Variants in SIPA1L2 observed in about 807,000 individuals in gnomAD.
SIPA1L2 encodes signal-induced proliferation-associated 1-like protein 2.
SIPA1L2 carries 56 observed loss-of-function variants against 163.9 expected under a neutral mutation model. The observed-to-expected ratio is 0.34, with a 90% confidence interval of 0.28 to 0.43. SIPA1L2 has a LOEUF of 0.43. SIPA1L2 is among the 20% of genes least tolerant of loss of function. SIPA1L2 has a pLI of 1.00. For missense variants in SIPA1L2, 1,974 were observed against 2,193.5 expected, an observed-to-expected ratio of 0.90 and a Z score of 2.00; for synonymous variants, 877 against 865.7, an observed-to-expected ratio of 1.01 and a Z score of -0.23.
At chr1:232,404,074 C>A (rs1264670746) in intron 20 of SIPA1L2, 51 bp downstream of exon 20, 1 of 1,601,966 alleles carries the variant, frequency 6.2e-7, no homozygotes. Context: ...ATGAAATATA[C>A]AGAAAAGGTT....
chr1:232,597,446 G>C (rs1238888375), intron 1 of SIPA1L2, among the ~76,000 whole-genome samples: 3 of 151,708 alleles, frequency 2.0e-5, no homozygotes, highest in Non-Finnish European at 4.4e-5. Flanking sequence ...GGGAGGCCAA[G>C]GTGGGCGGAT....
intron 3 of SIPA1L2, among the ~76,000 whole-genome samples, chr1:232,509,834 G>A (rs1666898187): frequency 6.6e-6 from 1 of 152,210 alleles, no homozygotes; most frequent in Admixed American, 6.5e-5. Flanking sequence ...TATAGGAGGA[G>A]GCAGGACACA....
chr1:232,422,389 T>G (rs559017702), intron 18 of SIPA1L2, among the ~76,000 whole-genome samples: 3 of 152,192 alleles, frequency 2.0e-5, no homozygotes, highest in Admixed American at 1.3e-4. Flanking sequence ...TTGAGACAGA[T>G]TCAAATCTGT....
At position 232,404,158 on chromosome 1, in the gene SIPA1L2, GTTC is replaced by G. The variant is rs770412953; in HGVS notation, c.4780_4782del (p.Glu1594del). 6.2e-6 allele frequency: 10 copies of G among 1,613,972 alleles called. No homozygotes were observed. The highest frequency in any genetic ancestry group is 3.3e-4 in the Middle Eastern group (2 of 6,084). Reference sequence around the variant, plus strand: ...GACGTGTGGTGACAGAGCAGCCCCAGTTCTTCATCTGAGTCAAGACCTGAAATA... The same window carrying G: ...GACGTGTGGTGACAGAGCAGCCCCAGTTCATCTGAGTCAAGACCTGAAATA... On this transcript the variant is annotated inframe_deletion, in exon 20 of 23. Transcript: ENST00000674635.
Position 232,425,788 on chromosome 1 carries a change from C to T in SIPA1L2, c.4431G>A (p.Leu1477=). Residue 1477 remains leucine (L), a synonymous_variant, in exon 18 of 23, where the codon CTG becomes CTA. Transcript: ENST00000674635. ...GRRKFSFYGN[L]SPRRSLYRTL... Reference sequence around the variant, plus strand: ...TGCGGTAAAGCGACCTCCTTGGAGACAGGTTCCCATAGAACGAAAACTAGG... The same window carrying T: ...TGCGGTAAAGCGACCTCCTTGGAGATAGGTTCCCATAGAACGAAAACTAGG... 6.2e-7 allele frequency: 1 copy of T among 1,613,856 alleles called. No individual in the cohort carries two copies. The highest frequency in any genetic ancestry group is 8.5e-7 in the Non-Finnish European group (1 of 1,179,908).
rs367795164 is a variant in SIPA1L2 at position 232,445,437 on chromosome 1, A to T, written c.3353+92T>A. 2.1e-5 allele frequency: 33 copies of T among 1,565,406 alleles called. No homozygotes were observed. The African/African-American group carries it at 4.1e-4, about 19-fold the overall frequency. ...CAACTTGCTGTGAACAAGCTAACTC[A>T]GAAGTGATTAAGCAAAACCCTCCCT... On this transcript the variant is annotated intron_variant, in intron 11 of 22. Transcript: ENST00000674635.
intron 10 of SIPA1L2, among the ~76,000 whole-genome samples, chr1:232,455,529 ACAT>A (rs1663844616): frequency 6.6e-6 from 1 of 151,894 alleles, no homozygotes; most frequent in African/African-American, 2.4e-5. Context: ...AAAATACAAA[ACAT>A]TAGCCGGGCG....
At chr1:232,534,946 G>A (rs1252863438) in intron 2 of SIPA1L2, among the ~76,000 whole-genome samples, 1 of 152,172 alleles carries the variant, frequency 6.6e-6, no homozygotes, top group Non-Finnish European at 1.5e-5. Flanking sequence ...TTTGACAAAT[G>A]GAATAAATCA....
intron 17 of SIPA1L2, among the ~76,000 whole-genome samples, chr1:232,427,005 T>G (rs1253366632): frequency 6.6e-6 from 1 of 152,204 alleles, no homozygotes; most frequent in South Asian, 2.1e-4. Flanking sequence ...TTCCTTCCAT[T>G]CTGTCAAGTC....
chr1:232,620,434 C>T (rs1361112467), intron 1 of SIPA1L2, among the ~76,000 whole-genome samples: 3 of 152,140 alleles, frequency 2.0e-5, no homozygotes, highest in Admixed American at 1.3e-4. Flanking sequence ...TAACAAAGAG[C>T]GTAGTAAGAT....
At chr1:232,603,446 G>T (rs1361559565) in intron 1 of SIPA1L2, among the ~76,000 whole-genome samples, 1 of 152,116 alleles carries the variant, frequency 6.6e-6, no homozygotes, top group African/African-American at 2.4e-5. Flanking sequence ...GAAGAAAAAC[G>T]ACCAGGGGAG....
intron 1 of SIPA1L2, among the ~76,000 whole-genome samples, chr1:232,574,621 A>C (rs1285682): frequency 1.3e-5 from 2 of 152,144 alleles, no homozygotes; most frequent in East Asian, 3.9e-4. Flanking sequence ...TAATTAATAA[A>C]TATTTTCAAA....
chr1:232,484,583 A>T (rs1270452670), intron 5 of SIPA1L2, among the ~76,000 whole-genome samples: 1 of 152,220 alleles, frequency 6.6e-6, no homozygotes, highest in African/African-American at 2.4e-5. Context: ...TACATTTTTT[A>T]CTATCTTGAA....
chr1:232,465,085 C>T lies in SIPA1L2; in HGVS notation c.2575G>A (p.Val859Met), dbSNP rs547857438. The change falls in exon 9 of 23, where the codon GTG becomes ATG. Residue 859 changes from valine (V) to methionine (M), a missense_variant. By Grantham distance (21) the Val-to-Met change is conservative (BLOSUM62 1). Coordinates refer to ENST00000674635, the MANE Select transcript of SIPA1L2 (RefSeq NM_020808.5). The surrounding 1 kb of genome is among the most constrained non-coding windows in gnomAD (Gnocchi z 4.1). ...GACTGGCCGAAGTCCCGGGCTATCA[C>T]GTGCCACATGATGGCCCCAATGCTA... is the stretch of plus-strand genomic sequence containing the variant. ...LFSIGAIMWH[V>M]IARDFGQSAD... The T allele has an allele frequency of 1.1e-5, 17 of 1,614,182 alleles. No homozygotes were observed. Among genetic ancestry groups the T allele is most frequent in the Middle Eastern group, 1.6e-4 (1 of 6,062 alleles).
At chr1:232,400,045 G>C (rs187687939) in intron 22 of SIPA1L2, among the ~76,000 whole-genome samples, 21 of 152,242 alleles carry the variant, frequency 1.4e-4, no homozygotes, top group Non-Finnish European at 2.4e-4. Flanking sequence ...TGCCCTCAAG[G>C]CTTCCTCGTT....
chr1:232,488,243 G>A (rs923045464), intron 5 of SIPA1L2, among the ~76,000 whole-genome samples: 3 of 152,076 alleles, frequency 2.0e-5, no homozygotes, highest in Non-Finnish European at 4.4e-5. Context: ...ATGAGCTACC[G>A]CGCCCAGCCC....
intron 2 of SIPA1L2, among the ~76,000 whole-genome samples, chr1:232,555,798 A>C (rs1658667829): frequency 1.3e-5 from 2 of 152,236 alleles, no homozygotes; most frequent in South Asian, 4.1e-4. Context: ...CCTAGAAAGC[A>C]CAATACAACA....
chr1:232,491,865 C>T (rs1373249812), intron 4 of SIPA1L2, among the ~76,000 whole-genome samples: 2 of 152,152 alleles, frequency 1.3e-5, no homozygotes, highest in African/African-American at 2.4e-5. Context: ...CTATCTGCAA[C>T]GAGGACAATG....
intron 1 of SIPA1L2, among the ~76,000 whole-genome samples, 40 bp downstream of exon 1, chr1:232,629,829 G>A (rs866273771): frequency 3.3e-5 from 5 of 151,874 alleles, no homozygotes; most frequent in Middle Eastern, 3.4e-3. Context: ...ATCCCGAACC[G>A]ACCCTCGCCA....
Sources: allele counts gnomAD v4.1 joint callset (sites outside exome capture counted in the v4.1 genomes callset), GRCh38; gene constraint gnomAD v4.1.1; non-coding constraint Gnocchi (gnomAD v3.1); transcripts MANE v1.5; gene names NCBI Gene and HGNC (gene_info 2026-07-23, HGNC 2026-07-21).